The following FBXL14 variants were observed in gnomAD, a reference collection of about 807,000 sequenced individuals.
FBXL14 encodes F-box/LRR-repeat protein 14.
A neutral mutation model predicts 24.5 loss-of-function variants in FBXL14; 11 were observed. The observed-to-expected ratio is 0.45, with a 90% CI of 0.28 to 0.74. The LOEUF is 0.74. Among genes scored for constraint, FBXL14 ranks in the 30% least tolerant of loss-of-function variants. FBXL14 has a pLI of 0.12. For synonymous variants in FBXL14, 294 were observed against 240.4 expected (o/e 1.22, Z -2.06); for missense variants, 384 against 545.6 (o/e 0.70, Z 2.95).
intron 1 of FBXL14, among the ~76,000 whole-genome samples, chr12:1,581,195 G>A (rs1208706646): frequency 1.4e-5 from 2 of 147,214 alleles, no homozygotes; most frequent in East Asian, 2.2e-4. Flanking sequence ...TTTAATGGGC[G>A]AATGGACACC....
rs548358543 is a variant in FBXL14, at chr12:1,572,911, G to T, written c.1195-6101C>A. Among the ~76,000 whole-genome samples the T allele has an allele frequency of 8.5e-5, 13 of 152,256 alleles. 1 individual carries two copies. The South Asian group carries it at 2.7e-3, about 32-fold the overall frequency. On this transcript the variant is annotated intron_variant, in intron 1 of 1. Coordinates refer to ENST00000339235, the MANE Select transcript of FBXL14 (RefSeq NM_152441.3). ...CCAGAAGGCGGAATCAACAGAGCTG[G>T]GACAATCCTTTGGGCACAGGATGTA...
chr12:1,568,500 A>T (rs988191698), intron 1 of FBXL14, among the ~76,000 whole-genome samples: 4 of 152,206 alleles, frequency 2.6e-5, no homozygotes, highest in African/African-American at 9.7e-5. Context: ...AAGCAAAATA[A>T]TAACTTATTT....
rs2154438493 is a variant in FBXL14, at chr12:1,594,187, G to T, written c.-121C>A. On this transcript the variant is annotated 5_prime_UTR_variant, in exon 1 of 2. Transcript: ENST00000339235. ...CGCCGCCGCCGCCGCCGCCGCCTCG[G>T]GCCCAACGGCCGGCCCCTCCCCGCC... is the stretch of plus-strand genomic sequence containing the variant. 1 of 454,102 alleles carries T rather than the reference G, an allele frequency of 2.2e-6. No homozygotes were observed. Among genetic ancestry groups the T allele is most frequent in the Non-Finnish European group, 3.0e-6 (1 of 331,914 alleles). 28.1% of individuals were successfully genotyped at this position (454,102 alleles called of 1,614,324 possible). A position where few individuals can be genotyped will look rare whatever the true frequency, so the allele number is the denominator to read the frequency against.
At chr12:1,577,613 TG>T (rs2094458460) in intron 1 of FBXL14, among the ~76,000 whole-genome samples, 1 of 152,236 alleles carries the variant, frequency 6.6e-6, no homozygotes, top group South Asian at 2.1e-4. Context: ...AGAATGCTTC[TG>T]GAGCATTCAT....
chr12:1,583,147 T>C (rs2094470019), intron 1 of FBXL14, among the ~76,000 whole-genome samples: 1 of 151,932 alleles, frequency 6.6e-6, no homozygotes, highest in Non-Finnish European at 1.5e-5. Flanking sequence ...AAAAAGATAC[T>C]CCTAAAATTT....
rs1226544552 is a variant in FBXL14 at position 1,594,063 on chromosome 12, C to T, written c.4G>A (p.Glu2Lys). The change falls in exon 1 of 2, where the codon GAG (glutamate) becomes AAG (lysine). Residue 2 changes from glutamate to lysine, a missense_variant. By Grantham distance (56) the Glu-to-Lys change is moderately conservative (BLOSUM62 1). Transcript: ENST00000339235. ...GGGAACAGGCATGAGATGTGGGTCTCCATCTTCCTCCTCCCCCCTCCGCGG... is the reference window on the plus strand; with the variant it reads ...GGGAACAGGCATGAGATGTGGGTCTTCATCTTCCTCCTCCCCCCTCCGCGG... METHISCLFPEL... is the reference protein window; with the variant it reads MKTHISCLFPEL... 3 of 1,472,354 alleles carry T rather than the reference C, an allele frequency of 2.0e-6. No homozygotes were observed. Among genetic ancestry groups the T allele is most frequent in the Non-Finnish European group, 2.7e-6 (3 of 1,120,318 alleles). The allele number at this position is 1,472,354 out of a possible 1,614,324, so 91.2% of individuals were successfully genotyped here.
Position 1,593,937 on chromosome 12 carries a change from C to G in FBXL14, c.130G>C (p.Val44Leu), listed in dbSNP as rs892042088. ...AWRDAAYHKSVWRGVEAKLHL... is the reference protein window; with the variant it reads ...AWRDAAYHKSLWRGVEAKLHL... ...AGCTTGGCCTCCACCCCCCGCCACACCGACTTGTGGTAGGCGGCGTCCCGC... is the reference window on the plus strand; with the variant it reads ...AGCTTGGCCTCCACCCCCCGCCACAGCGACTTGTGGTAGGCGGCGTCCCGC... Residue 44 changes from valine to leucine, a missense_variant, in exon 1 of 2, where the codon GTG becomes CTG. Val to Leu is a conservative substitution (Grantham distance 32). Transcript: ENST00000339235. The surrounding 1 kb of genome is among the most constrained non-coding windows in gnomAD (Gnocchi z 7.4). 22 of 1,593,434 alleles carry G rather than the reference C, an allele frequency of 1.4e-5. No homozygotes were observed. Among genetic ancestry groups the G allele is most frequent in the Non-Finnish European group, 1.5e-5 (18 of 1,176,690 alleles).
intron 1 of FBXL14, 99 bp downstream of exon 1, chr12:1,592,774 A>T (rs2094493515): frequency 9.6e-7 from 1 of 1,041,454 alleles, no homozygotes; most frequent in Non-Finnish European, 1.4e-6. Flanking sequence ...CGCTGCAATG[A>T]TCTGTGCGTA....
At chr12:1,582,249 AAAG>A (rs2094468090) in intron 1 of FBXL14, among the ~76,000 whole-genome samples, 1 of 152,312 alleles carries the variant, frequency 6.6e-6, no homozygotes, top group Admixed American at 6.5e-5. Flanking sequence ...AAGAAAAAGA[AAAG>A]AAAAGAAAGA....
At chr12:1,588,314 A>G (rs973540137) in intron 1 of FBXL14, among the ~76,000 whole-genome samples, 2 of 152,236 alleles carry the variant, frequency 1.3e-5, no homozygotes, top group African/African-American at 4.8e-5. Context: ...CCACTTCAGG[A>G]AAGCAGCAGG....
intron 1 of FBXL14, among the ~76,000 whole-genome samples, chr12:1,573,256 C>T (rs901417392): frequency 2.6e-5 from 4 of 152,126 alleles, no homozygotes; most frequent in African/African-American, 9.7e-5. Flanking sequence ...GTCTGGGAGG[C>T]ATTCTCTGAC....
intron 1 of FBXL14, among the ~76,000 whole-genome samples, chr12:1,571,754 T>C (rs1490357060): frequency 2.0e-5 from 3 of 152,190 alleles, no homozygotes; most frequent in Non-Finnish European, 4.4e-5. Flanking sequence ...CCCTATCCCA[T>C]TTGAAGTCAC....
At chr12:1,592,834 G>A in intron 1 of FBXL14, 39 bp downstream of exon 1, 1 of 1,516,286 alleles carries the variant, frequency 6.6e-7, no homozygotes. Flanking sequence ...GATGAACAGG[G>A]CGGGACAAGG....
chr12:1,567,702 C>G lies in FBXL14; in HGVS notation c.1195-892G>C, dbSNP rs1206413688. 6.6e-6 allele frequency among the ~76,000 whole-genome samples: 1 copy of G among 152,086 alleles called. No individual in the cohort carries two copies. Among genetic ancestry groups the G allele is most frequent in the Non-Finnish European group, 1.5e-5 (1 of 68,018 alleles). ...GCAATGAAAGCAGGGAGATGGGAAT[C>G]TAAGAAAAAACCAAATGAAGTGACA... On this transcript the variant is annotated intron_variant, in intron 1 of 1. Coordinates refer to ENST00000339235, the MANE Select transcript of FBXL14 (RefSeq NM_152441.3). The surrounding 1 kb of genome is among the most constrained non-coding windows in gnomAD (Gnocchi z 4.8).
rs1385855057 is a variant in FBXL14 at position 1,593,443 on chromosome 12, C to G, written c.624G>C (p.Thr208=). ...CTGTGAGCTTCTGGCAGTCCTGTAG[C>G]GTGAGCTGCTCCAGGCCCAGGCAGC... ...AEGCLGLEQL[T]LQDCQKLTDL... The change falls in exon 1 of 2, where the codon ACG becomes ACC. Residue 208 remains threonine (T), a synonymous_variant. Transcript: ENST00000339235. The surrounding 1 kb of genome is among the most constrained non-coding windows in gnomAD (Gnocchi z 7.4). 10 of 1,614,038 alleles carry G rather than the reference C, an allele frequency of 6.2e-6. No homozygotes were observed.
chr12:1,571,234 T>C (rs2094445001), intron 1 of FBXL14, among the ~76,000 whole-genome samples: 1 of 151,760 alleles, frequency 6.6e-6, no homozygotes, highest in Middle Eastern at 3.4e-3. Flanking sequence ...TGAGACAGAG[T>C]TTTTGCTCTT....
At position 1,593,122 on chromosome 12, in the gene FBXL14, G is replaced by A. The variant is rs1019678045; in HGVS notation, c.945C>T (p.Cys315=). The A allele has an allele frequency of 1.8e-5, 29 of 1,613,570 alleles. No individual in the cohort carries two copies. The highest frequency in any genetic ancestry group is 1.6e-4 in the Middle Eastern group (1 of 6,084). ...DGLKSLSLCS[C]HISDDGINRM... is the part of the protein sequence containing the mutation. ...GGTTGATGCCATCATCACTGATGTG[G>A]CAGGAGCAGAGGGAGAGAGACTTGA... is the stretch of plus-strand genomic sequence containing the variant. The change falls in exon 1 of 2, where the codon TGC becomes TGT. Residue 315 remains cysteine (C), a synonymous_variant. Coordinates refer to ENST00000339235, the MANE Select transcript of FBXL14 (RefSeq NM_152441.3). The surrounding 1 kb of genome is among the most constrained non-coding windows in gnomAD (Gnocchi z 7.4).
intron 1 of FBXL14, among the ~76,000 whole-genome samples, chr12:1,570,085 C>T (rs187736055): frequency 1.5e-4 from 23 of 152,332 alleles, no homozygotes; most frequent in Admixed American, 2.0e-4. Context: ...CTCCGCCCAG[C>T]TTTGTCTAGT....
intron 1 of FBXL14, among the ~76,000 whole-genome samples, chr12:1,576,445 T>C (rs948757305): frequency 6.6e-6 from 1 of 152,178 alleles, no homozygotes; most frequent in African/African-American, 2.4e-5. Flanking sequence ...GCAGAGGCTG[T>C]CACCCTCTGG....
Sources: gnomAD v4.1 joint callset for allele counts (sites outside exome capture counted in the v4.1 genomes callset) on GRCh38, gnomAD v4.1.1 for gene constraint, Gnocchi (gnomAD v3.1) non-coding constraint, MANE v1.5 for transcripts, NCBI Gene and HGNC (gene_info 2026-07-23, HGNC 2026-07-21) for gene names.